The following RYR3 variants were observed in gnomAD, a reference collection of about 807,000 sequenced individuals.
RYR3 encodes the protein brain ryanodine receptor-calcium release channel.
RYR3 carries 207 observed loss-of-function variants against 584.3 expected under a neutral mutation model. The observed-to-expected ratio is 0.35, with a 90% confidence interval of 0.32 to 0.40. The LOEUF (loss-of-function observed/expected upper bound fraction) is 0.40, where lower values mean the gene tolerates loss of function less well. RYR3 is among the 10% of genes least tolerant of loss of function. RYR3 has a pLI of 1.00. For missense variants in RYR3, 5,616 were observed against 6,089.2 expected (o/e 0.92, Z 2.59); for synonymous variants, 2,416 against 2,248.5 (o/e 1.07, Z -2.11).
intron 1 of RYR3, among the ~76,000 whole-genome samples, chr15:33,345,454 G>A (rs1972336294): frequency 6.6e-6 from 1 of 152,230 alleles, no homozygotes; most frequent in East Asian, 1.9e-4. Flanking sequence ...CTCTTAGGTG[G>A]CCTCTTAGGT....
At chr15:33,758,097 G>A (rs550835691) in intron 60 of RYR3, among the ~76,000 whole-genome samples, 97 of 152,266 alleles carry the variant, frequency 6.4e-4, no homozygotes, top group African/African-American at 2.2e-3. Context: ...TGTGAGAAAC[G>A]GTGCATTCTG....
chr15:33,579,939 G>A, intron 12 of RYR3, 37 bp from the exon 13 acceptor site: 2 of 1,549,646 alleles, frequency 1.3e-6, no homozygotes, highest in African/African-American at 1.4e-5. Flanking sequence ...CCTGCTGCTG[G>A]CCAGTGCCTA....
chr15:33,345,113 C>T (rs1278880771), intron 1 of RYR3, among the ~76,000 whole-genome samples: 1 of 151,408 alleles, frequency 6.6e-6, no homozygotes, highest in African/African-American at 2.4e-5. Context: ...CTTTTTTTTG[C>T]AAGTTCAGTA....
chr15:33,316,816 G>C (rs1184566020), intron 1 of RYR3, among the ~76,000 whole-genome samples: 1 of 152,126 alleles, frequency 6.6e-6, no homozygotes, highest in East Asian at 1.9e-4. Context: ...GATCTTGTTG[G>C]AAAACCAGCC....
At chr15:33,808,203 G>A (rs2076307675) in intron 70 of RYR3, among the ~76,000 whole-genome samples, 1 of 152,228 alleles carries the variant, frequency 6.6e-6, no homozygotes, top group Non-Finnish European at 1.5e-5. Context: ...AAGGAAGATG[G>A]AGCCCAGGCG....
chr15:33,449,494 A>T (rs1304664086), intron 1 of RYR3, among the ~76,000 whole-genome samples: 1 of 152,214 alleles, frequency 6.6e-6, no homozygotes. Context: ...GAGCTCCAGG[A>T]GGCAGGAATC....
At chr15:33,585,665 G>C (rs1173845829) in intron 15 of RYR3, among the ~76,000 whole-genome samples, 1 of 152,164 alleles carries the variant, frequency 6.6e-6, no homozygotes, top group African/African-American at 2.4e-5. Flanking sequence ...TTTAAATGAA[G>C]TATTATGTGG....
chr15:33,441,935 A>G (rs571882890), intron 1 of RYR3, among the ~76,000 whole-genome samples: 4 of 152,344 alleles, frequency 2.6e-5, no homozygotes, highest in African/African-American at 9.6e-5. Context: ...GTAATTTTTC[A>G]GACATATCAT....
Position 33,728,865 on chromosome 15 carries a change from G to C in RYR3, c.7042G>C (p.Val2348Leu). The C allele has an allele frequency of 6.2e-7, 1 of 1,611,348 alleles. No homozygotes were observed. The highest frequency in any genetic ancestry group is 8.5e-7 in the Non-Finnish European group (1 of 1,179,082). Reference protein sequence around the residue: ...KLPSLNKDGSVSEPDMAANFC... With the variant: ...KLPSLNKDGSLSEPDMAANFC... ...TTCTATGTGTCTTTCAGATGGGTCG[G>C]TCAGTGAGCCAGATATGGCGGCCAA... Residue 2348 changes from valine (V) to leucine (L), a missense_variant, in exon 47 of 104, where the codon GTC becomes CTC. Transcript: ENST00000634891.
At chr15:33,826,819 A>T in intron 84 of RYR3, 67 bp downstream of exon 84, 1 of 1,152,332 alleles carries the variant, frequency 8.7e-7, no homozygotes, top group Non-Finnish European at 1.3e-6. Context: ...TCCGTTCAGT[A>T]TGCCCCATTT....
At chr15:33,855,382 T>A (rs2079546017) in intron 98 of RYR3, among the ~76,000 whole-genome samples, 1 of 152,186 alleles carries the variant, frequency 6.6e-6, no homozygotes, top group Non-Finnish European at 1.5e-5. Flanking sequence ...TTTTGTATTT[T>A]TAGTAGAGAC....
At chr15:33,591,223 C>T (rs1002983412) in intron 16 of RYR3, among the ~76,000 whole-genome samples, 1 of 152,206 alleles carries the variant, frequency 6.6e-6, no homozygotes, top group Non-Finnish European at 1.5e-5. Context: ...GTTCAAACGC[C>T]ACTTCCTCCA....
chr15:33,692,985 T>A (rs2065548758), intron 38 of RYR3, among the ~76,000 whole-genome samples: 1 of 152,212 alleles, frequency 6.6e-6, no homozygotes. Flanking sequence ...AGGTTAGCAA[T>A]TCCACCAGAT....
intron 67 of RYR3, among the ~76,000 whole-genome samples, chr15:33,796,966 A>G (rs1395503458): frequency 1.3e-5 from 2 of 152,246 alleles, no homozygotes; most frequent in African/African-American, 4.8e-5. Context: ...AGCAACGTGC[A>G]TGGATTGGAG....
intron 18 of RYR3, among the ~76,000 whole-genome samples, chr15:33,610,329 C>T (rs887500990): frequency 1.3e-5 from 2 of 152,172 alleles, no homozygotes; most frequent in Non-Finnish European, 2.9e-5. Context: ...AGGCATCTTC[C>T]TCTCCCTCTA....
intron 83 of RYR3, 140 bp downstream of exon 83, chr15:33,826,409 A>AGT (rs1317043619): frequency 2.3e-6 from 2 of 883,974 alleles, no homozygotes; most frequent in East Asian, 4.9e-5. Context: ...TAATTAAAGA[A>AGT]GTGTCTTCCA....
chr15:33,429,950 A>G (rs1215098674), intron 1 of RYR3, among the ~76,000 whole-genome samples: 1 of 152,238 alleles, frequency 6.6e-6, no homozygotes, highest in Admixed American at 6.5e-5. Context: ...TCTCTAGTGT[A>G]CCTTCAGCCA....
intron 12 of RYR3, among the ~76,000 whole-genome samples, chr15:33,568,361 G>A (rs962453529): frequency 1.3e-5 from 2 of 152,154 alleles, no homozygotes; most frequent in Admixed American, 1.3e-4. Flanking sequence ...AAGTCAGTGG[G>A]AGTTATGTGC....
chr15:33,578,163 T>A (rs888711705), intron 12 of RYR3, among the ~76,000 whole-genome samples: 1 of 152,154 alleles, frequency 6.6e-6, no homozygotes, highest in African/African-American at 2.4e-5. Flanking sequence ...TCGGTAGGAA[T>A]GTAAATTAGT....
Sources: allele counts gnomAD v4.1 joint callset (sites outside exome capture counted in the v4.1 genomes callset), GRCh38; gene constraint gnomAD v4.1.1; transcripts MANE v1.5; gene names NCBI Gene and HGNC (gene_info 2026-07-23, HGNC 2026-07-21).